PACC1: variants seen among roughly 807,000 people sequenced by gnomAD.
The protein encoded by PACC1 is proton-activated chloride channel.
Under a neutral mutation model 39.7 loss-of-function variants are expected in PACC1, and 34 were observed. The observed-to-expected ratio is 0.86, with a 90% confidence interval of 0.65 to 1.14. The LOEUF is 1.14. PACC1 is among the 50% of genes most tolerant of loss of function. PACC1 has a pLI of 0.00. For missense variants in PACC1, 379 were observed against 436.4 expected (o/e 0.87, Z 1.17); for synonymous variants, 127 against 160.6 (o/e 0.79, Z 1.58).
intron 4 of PACC1, among the ~76,000 whole-genome samples, chr1:212,381,677 GACACACACACACACACTGCACACAC>G (rs1660887198): frequency 2.3e-5 from 2 of 86,866 alleles, no homozygotes; most frequent in Non-Finnish European, 5.6e-5. Flanking sequence ...CATGTGCACA[GACACACACACACACACTGCACACAC>G]ACACACACAC....
chr1:212,390,824 C>T (rs1661290908), intron 2 of PACC1, among the ~76,000 whole-genome samples: 1 of 152,228 alleles, frequency 6.6e-6, no homozygotes, highest in Non-Finnish European at 1.5e-5. Flanking sequence ...GGTCCCACAC[C>T]CACGGAGCCT....
intron 2 of PACC1, among the ~76,000 whole-genome samples, chr1:212,404,036 C>A (rs1661813844): frequency 6.6e-6 from 1 of 152,190 alleles, no homozygotes; most frequent in South Asian, 2.1e-4. Context: ...CTCCCTTTGC[C>A]TTAATCCAGC....
rs1558159179 is a variant in PACC1, at chr1:212,364,038, T to C, written c.*1177A>G. On this transcript the variant is annotated 3_prime_UTR_variant, in exon 8 of 8. Coordinates refer to ENST00000261455, the MANE Select transcript of PACC1 (RefSeq NM_018252.3). ...CCCTTTGGATTATCGGAAGCCAGAT[T>C]ACAAAATTTAGGAAATGCTACCAAG... 6.6e-6 allele frequency: 1 copy of C among 152,198 alleles called. No homozygotes were observed. The highest frequency in any genetic ancestry group is 2.4e-5 in the African/African-American group (1 of 41,444). The allele number at this position is 152,198 out of a possible 1,614,324, so 9.4% of individuals were successfully genotyped here.
At chr1:212,410,583 T>A in intron 1 of PACC1, 62 bp from the exon 2 acceptor site, 1 of 1,443,764 alleles carries the variant, frequency 6.9e-7, no homozygotes, top group Non-Finnish European at 9.8e-7. Context: ...TTTTCTACAC[T>A]AGAATAAGAA....
chr1:212,365,047 C>G lies in PACC1; in HGVS notation c.*168G>C, dbSNP rs1366573906. ...TTAGTCTCTTCTATTAGGCTCTACA[C>G]CGCCTCTTTTGGGACGGGGTTAGAA... On this transcript the variant is annotated 3_prime_UTR_variant, in exon 8 of 8. Coordinates refer to ENST00000261455, the MANE Select transcript of PACC1 (RefSeq NM_018252.3). The G allele has an allele frequency of 1.3e-5, 7 of 524,338 alleles. No individual in the cohort carries two copies. Among genetic ancestry groups the G allele is most frequent in the South Asian group, 7.7e-5 (2 of 26,054 alleles). The allele number at this position is 524,338 out of a possible 1,614,324, so 32.5% of individuals were successfully genotyped here.
intron 7 of PACC1, among the ~76,000 whole-genome samples, chr1:212,373,019 T>C (rs542779074): frequency 1.3e-5 from 2 of 152,242 alleles, no homozygotes; most frequent in African/African-American, 2.4e-5. Context: ...AAATTTTGTA[T>C]GGAACTACAA....
chr1:212,371,241 C>CAA (rs1189603478), intron 7 of PACC1, among the ~76,000 whole-genome samples: 19,143 of 88,310 alleles, frequency 0.22, 1,851 homozygotes, highest in African/African-American at 0.35. Flanking sequence ...GACTCCATTT[C>CAA]AAAAAAAAAA....
At chr1:212,397,056 CCTGCACTAAA>C (rs1661554615) in intron 2 of PACC1, among the ~76,000 whole-genome samples, 1 of 151,964 alleles carries the variant, frequency 6.6e-6, no homozygotes, top group South Asian at 2.1e-4. Context: ...CACTAGCAGA[CCTGCACTAAA>C]CTGCATGCTA....
At chr1:212,408,463 C>T (rs969448882) in intron 2 of PACC1, among the ~76,000 whole-genome samples, 3 of 151,864 alleles carry the variant, frequency 2.0e-5, no homozygotes, top group Non-Finnish European at 2.9e-5. Context: ...TGGGTTCAAG[C>T]GATTCTCCTG....
chr1:212,391,280 C>G (rs925705149), intron 2 of PACC1, among the ~76,000 whole-genome samples: 3 of 152,328 alleles, frequency 2.0e-5, no homozygotes, highest in Admixed American at 6.5e-5. Context: ...ATTGGCTGTT[C>G]ATCAATATTC....
intron 7 of PACC1, among the ~76,000 whole-genome samples, chr1:212,368,592 A>G (rs1660326946): frequency 1.1e-5 from 1 of 92,392 alleles, no homozygotes; most frequent in African/African-American, 5.4e-5. Flanking sequence ...AACAGACTGA[A>G]AAATGCATCA....
chr1:212,374,052 A>G (rs1233953509), intron 7 of PACC1, among the ~76,000 whole-genome samples: 1 of 151,648 alleles, frequency 6.6e-6, no homozygotes, highest in Non-Finnish European at 1.5e-5. Flanking sequence ...AAGAAAAGAA[A>G]AAAAAAAAAA....
chr1:212,414,113 T>C (rs964970933), intron 1 of PACC1: 27 of 1,496,354 alleles, frequency 1.8e-5, no homozygotes, highest in Non-Finnish European at 2.4e-5. Flanking sequence ...GACAAAGAAC[T>C]GGAAAGTGAT....
intron 4 of PACC1, among the ~76,000 whole-genome samples, chr1:212,380,741 G>A (rs2102487114): frequency 6.6e-6 from 1 of 152,234 alleles, no homozygotes; most frequent in East Asian, 1.9e-4. Flanking sequence ...GTCCAGTACT[G>A]TGCCACTTTG....
At position 212,392,111 on chromosome 1, in the gene PACC1, C is replaced by T. The variant is rs550476279; in HGVS notation, c.134-5011G>A. Reference sequence around the variant, plus strand: ...CAGAGAATGCCACAAAGATACTCCTCGAGAAGAGCAACTCTCAGACACATA... The same window carrying T: ...CAGAGAATGCCACAAAGATACTCCTTGAGAAGAGCAACTCTCAGACACATA... On this transcript the variant is annotated intron_variant, in intron 2 of 7. Coordinates refer to ENST00000261455, the MANE Select transcript of PACC1 (RefSeq NM_018252.3). Among the ~76,000 whole-genome samples, 58 of 152,174 alleles carry T rather than the reference C, an allele frequency of 3.8e-4. No individual in the cohort carries two copies. In the South Asian group the frequency reaches 7.1e-3, roughly 19 times the overall value.
intron 6 of PACC1, among the ~76,000 whole-genome samples, chr1:212,377,332 C>T (rs1031846692): frequency 5.9e-5 from 9 of 152,240 alleles, no homozygotes; most frequent in Non-Finnish European, 1.0e-4. Flanking sequence ...CTCTGCCCCA[C>T]ACATGCATTC....
At chr1:212,391,340 T>G (rs1231567627) in intron 2 of PACC1, among the ~76,000 whole-genome samples, 1 of 152,048 alleles carries the variant, frequency 6.6e-6, no homozygotes, top group Non-Finnish European at 1.5e-5. Flanking sequence ...GGGTCTGGAG[T>G]GCACCTCCAG....
intron 2 of PACC1, among the ~76,000 whole-genome samples, chr1:212,390,416 T>TC (rs1661269577): frequency 9.2e-6 from 1 of 108,288 alleles, no homozygotes; most frequent in Admixed American, 1.0e-4. Context: ...AGAGCAAAAC[T>TC]CCATCTCAAA....
At chr1:212,365,829 A>G (rs1486718220) in intron 7 of PACC1, among the ~76,000 whole-genome samples, 1 of 152,222 alleles carries the variant, frequency 6.6e-6, no homozygotes, top group Non-Finnish European at 1.5e-5. Flanking sequence ...GATAGGCAAT[A>G]TTTAATTTTG....
Sources: allele counts gnomAD v4.1 joint callset (sites outside exome capture counted in the v4.1 genomes callset), GRCh38; gene constraint gnomAD v4.1.1; transcripts MANE v1.5; gene names NCBI Gene and HGNC (gene_info 2026-07-23, HGNC 2026-07-21).